HERC2: variants seen among roughly 807,000 people sequenced by gnomAD.
HERC2 encodes the protein HECT and RLD domain containing E3 ubiquitin protein ligase 2.
Under a neutral mutation model 537.7 loss-of-function variants are expected in HERC2, and 102 were observed. The ratio of observed to expected loss-of-function variants is 0.19; its 90% CI spans 0.16 to 0.22. The LOEUF is 0.22. HERC2 is among the 10% of genes least tolerant of loss of function. The pLI, the probability that HERC2 is intolerant of heterozygous loss-of-function variation, is 1.00. For missense variants in HERC2, 4,236 were observed against 6,198.2 expected (o/e 0.68, Z 10.63); for synonymous variants, 2,224 against 2,466.2 (o/e 0.90, Z 2.91).
chr15:28,256,323 A>G lies in HERC2; in HGVS notation c.2518-6T>C. 3 of 1,577,510 alleles carry G rather than the reference A, an allele frequency of 1.9e-6. No individual in the cohort carries two copies. Among genetic ancestry groups the G allele is most frequent in the Non-Finnish European group, 1.7e-6 (2 of 1,168,326 alleles). Reference sequence around the variant, plus strand: ...TGACTAATGGCAGCATGCAACTGAAAGGAGAAAAACAATTTTCACTTAGAA... The same window carrying G: ...TGACTAATGGCAGCATGCAACTGAAGGGAGAAAAACAATTTTCACTTAGAA... On this transcript the variant is annotated splice_region_variant and splice_polypyrimidine_tract_variant and intron_variant, in intron 17 of 92. Transcript: ENST00000261609.
In HERC2 at chr15:28,214,670, C is replaced by G; in HGVS notation, c.6343G>C (p.Val2115Leu). Residue 2115 changes from valine (V) to leucine (L), a missense_variant, in exon 40 of 93, where the codon GTG (valine) becomes CTG (leucine). Transcript: ENST00000261609. The stretch of plus-strand genomic sequence containing the variant: ...GGCCACCCACCTCTGAGTAATGGCA[C>G]GTCAGAGGAGCAGGTAGTGAGCAAG... ...GSLLTTCSSD[V>L]PLLRESTLRR... The G allele has an allele frequency of 6.2e-7, 1 of 1,611,986 alleles. No individual in the cohort carries two copies. The highest frequency in any genetic ancestry group is 8.5e-7 in the Non-Finnish European group (1 of 1,179,838).
rs527592753 is a variant in HERC2, at chr15:28,156,384, T to C, written c.10747-3554A>G. Among the ~76,000 whole-genome samples the C allele has an allele frequency of 3.9e-5, 6 of 152,326 alleles. No homozygotes were observed. The South Asian group carries it at 1.0e-3, about 26-fold the overall frequency. ...GGCCATTTTCACGATTTCCTATCCA[T>C]GAGCATGGAATGTTATTCCATTTGT... is the stretch of plus-strand genomic sequence containing the variant. On this transcript the variant is annotated intron_variant, in intron 69 of 92. Coordinates refer to ENST00000261609, the MANE Select transcript of HERC2 (RefSeq NM_004667.6).
rs755928838 is a variant in HERC2 at position 28,280,101 on chromosome 15, C to G, written c.509G>C (p.Ser170Thr). Residue 170 changes from serine to threonine, a missense_variant, in exon 5 of 93, where the codon AGC becomes ACC. This residue lies in a region of HERC2 where 491 missense variants were observed against 559.3 expected (regional missense o/e 0.88). Coordinates refer to ENST00000261609, the MANE Select transcript of HERC2 (RefSeq NM_004667.6). The part of the protein sequence containing the change: ...QENVKVKWKS[S>T]GISLPPVDKK... ...GTCCACAGGAGGCAGAGAAATACCG[C>G]TGCTTTTCCACTTAACTTTGACATT... 8 of 1,614,084 alleles carry G rather than the reference C, an allele frequency of 5.0e-6. No individual in the cohort carries two copies. Among genetic ancestry groups the G allele is most frequent in the Non-Finnish European group, 5.9e-6 (7 of 1,180,000 alleles).
chr15:28,193,907 AT>A (rs1055354410), intron 52 of HERC2, among the ~76,000 whole-genome samples: 1 of 152,208 alleles, frequency 6.6e-6, no homozygotes, highest in African/African-American at 2.4e-5. Flanking sequence ...ATTTTTAAAA[AT>A]ATCAAGGGGT....
intron 9 of HERC2, 150 bp from the exon 10 acceptor site, chr15:28,271,018 A>C: frequency 1.5e-6 from 1 of 676,364 alleles, no homozygotes; most frequent in Non-Finnish European, 2.6e-6. Flanking sequence ...ATACATCTAT[A>C]TATTTATGCA....
chr15:28,228,805 T>C lies in HERC2; in HGVS notation c.5272+390A>G, dbSNP rs113780734. Among the ~76,000 whole-genome samples the C allele has an allele frequency of 9.3e-4, 142 of 152,370 alleles. No homozygotes were observed. The Middle Eastern group carries it at 0.024, about 26-fold the overall frequency. On this transcript the variant is annotated intron_variant, in intron 34 of 92. Coordinates refer to ENST00000261609, the MANE Select transcript of HERC2 (RefSeq NM_004667.6). Reference sequence around the variant, plus strand: ...AGGACTTAGCATGTTGCTCTCTGAATACTCTGGTGCCCTATTCCATTCCTT... The same window carrying C: ...AGGACTTAGCATGTTGCTCTCTGAACACTCTGGTGCCCTATTCCATTCCTT...
At chr15:28,147,511 G>C (rs1891879926) in intron 70 of HERC2, among the ~76,000 whole-genome samples, 1 of 151,688 alleles carries the variant, frequency 6.6e-6, no homozygotes, top group African/African-American at 2.4e-5. Flanking sequence ...GCTGGGCACG[G>C]CCTATAGTCC....
intron 2 of HERC2, among the ~76,000 whole-genome samples, chr15:28,303,877 CTGATT>C (rs1366129679): frequency 6.6e-6 from 1 of 152,050 alleles, no homozygotes; most frequent in Non-Finnish European, 1.5e-5. Context: ...AGAAATGCTA[CTGATT>C]TGGCCGGGCA....
At chr15:28,151,963 T>C (rs1210590707) in intron 70 of HERC2, among the ~76,000 whole-genome samples, 3 of 152,188 alleles carry the variant, frequency 2.0e-5, no homozygotes, top group Non-Finnish European at 2.9e-5. Context: ...ATGATTCCAC[T>C]AGAATAGCAC....
Position 28,256,138 on chromosome 15 carries a change from G to A in HERC2, c.2697C>T (p.Pro899=), listed in dbSNP as rs1234736396. 5 of 1,601,842 alleles carry A rather than the reference G, an allele frequency of 3.1e-6. No individual in the cohort carries two copies. The highest frequency in any genetic ancestry group is 2.2e-5 in the East Asian group (1 of 44,852). Residue 899 remains proline, a synonymous_variant, in exon 18 of 93, where the codon CCC becomes CCT. Transcript: ENST00000261609. ...VLQSGWSVLL[P]TAEERARALS... ...GTGCCCGGGCCCGCTCCTCCGCGGTGGGCAGCAGCACGGACCAGCCACTCT... is the reference window on the plus strand; with the variant it reads ...GTGCCCGGGCCCGCTCCTCCGCGGTAGGCAGCAGCACGGACCAGCCACTCT...
intron 68 of HERC2, among the ~76,000 whole-genome samples, chr15:28,164,432 T>C (rs1346434950): frequency 1.3e-5 from 2 of 152,192 alleles, no homozygotes; most frequent in East Asian, 3.9e-4. Context: ...AAATTCATTA[T>C]AAATGATGAC....
rs778614050 is a variant in HERC2 at position 28,167,776 on chromosome 15, G to C, written c.10465C>G (p.Pro3489Ala). 1 of 1,614,202 alleles carries C rather than the reference G, an allele frequency of 6.2e-7. No individual in the cohort carries two copies. Among genetic ancestry groups the C allele is most frequent in the Non-Finnish European group, 8.5e-7 (1 of 1,180,034 alleles). Residue 3489 changes from proline (P) to alanine (A), a missense_variant, in exon 68 of 93, where the codon CCC becomes GCC. By Grantham distance (27) the Pro-to-Ala change is conservative (BLOSUM62 -1). Transcript: ENST00000261609. ...ATAAAAGGCCGAGCGGAGGCTGAGG[G>C]GGCCGACGGAGTCACTGCAGAGGGG... ...VTPSAVTPSAPSASARPFIPV... is the reference protein window; with the variant it reads ...VTPSAVTPSAASASARPFIPV...
At chr15:28,229,943 A>G (rs2525987) in intron 31 of HERC2, 96 bp from the exon 32 acceptor site, 10 of 888,672 alleles carry the variant, frequency 1.1e-5, no homozygotes, top group South Asian at 3.1e-5. Context: ...TAATGCTCAT[A>G]GGTTTAAATT....
chr15:28,120,841 C>T (rs907718263), intron 86 of HERC2, among the ~76,000 whole-genome samples: 1 of 152,166 alleles, frequency 6.6e-6, no homozygotes, highest in Admixed American at 6.5e-5. Context: ...GTGGGCACGG[C>T]CCCCCAGCAC....
intron 65 of HERC2, among the ~76,000 whole-genome samples, chr15:28,169,978 G>C (rs867642487): frequency 6.6e-6 from 1 of 152,032 alleles, no homozygotes; most frequent in Non-Finnish European, 1.5e-5. Context: ...TTCTTACCCC[G>C]GTAAGACAAG....
Position 28,268,140 on chromosome 15 carries a change from G to A in HERC2, c.1598+325C>T, listed in dbSNP as rs112710179. ...CAACCTTATCTATGAGAGACAGGGT[G>A]AACTGTTTGTGAATGAAGGAACAGT... On this transcript the variant is annotated intron_variant, in intron 12 of 92. Coordinates refer to ENST00000261609, the MANE Select transcript of HERC2 (RefSeq NM_004667.6). The surrounding 1 kb of genome is among the most constrained non-coding windows in gnomAD (Gnocchi z 4.7). 2.6e-3 allele frequency among the ~76,000 whole-genome samples: 401 copies of A among 152,318 alleles called. 1 individual carries two copies. Among genetic ancestry groups the A allele is most frequent in the African/African-American group, 9.1e-3 (380 of 41,564 alleles).
At chr15:28,300,740 A>C (rs1385798495) in intron 2 of HERC2, among the ~76,000 whole-genome samples, 1 of 131,570 alleles carries the variant, frequency 7.6e-6, no homozygotes, top group Non-Finnish European at 1.6e-5. Context: ...GAAGACTAGC[A>C]TGAACCCAGG....
chr15:28,274,350 G>A lies in HERC2; in HGVS notation c.741C>T (p.Ser247=). The stretch of plus-strand genomic sequence containing the variant: ...TCTCCACCACCTCCAGCCACACAGA[G>A]GACACGGTGCTCTCGTCAAAGAGCG... ...EASLFDESTV[S]SVWLEVVERA... Residue 247 remains serine, a synonymous_variant, in exon 7 of 93, where the codon TCC becomes TCT. Transcript: ENST00000261609. 1.9e-6 allele frequency: 3 copies of A among 1,614,228 alleles called. No homozygotes were observed. Among genetic ancestry groups the A allele is most frequent in the Non-Finnish European group, 1.7e-6 (2 of 1,180,038 alleles).
intron 20 of HERC2, among the ~76,000 whole-genome samples, chr15:28,250,381 A>G: frequency 6.6e-6 from 1 of 152,158 alleles, no homozygotes; most frequent in Admixed American, 6.5e-5. Context: ...ACTGTAACAC[A>G]AGAAACAGGT....
Sources: gnomAD v4.1 joint callset for allele counts (sites outside exome capture counted in the v4.1 genomes callset) on GRCh38, gnomAD v4.1.1 for gene constraint, gnomAD v4.1.1 regional missense constraint, Gnocchi (gnomAD v3.1) non-coding constraint, MANE v1.5 for transcripts, NCBI Gene and HGNC (gene_info 2026-07-23, HGNC 2026-07-21) for gene names.